AK7: variants seen among roughly 807,000 people sequenced by gnomAD.
AK7 encodes adenylate kinase 7, also known as ATP-AMP transphosphorylase 7.
In AK7, 78 loss-of-function variants were observed where a neutral mutation model predicts 96.6. The observed-to-expected ratio is 0.81, with a 90% confidence interval of 0.67 to 0.97. The LOEUF is 0.97. AK7 is among the 50% of genes least tolerant of loss of function. The pLI, the probability that AK7 is intolerant of heterozygous loss-of-function variation, is 0.00. For missense variants in AK7, 855 were observed against 887.9 expected (o/e 0.96, Z 0.47); for synonymous variants, 302 against 317.2 (o/e 0.95, Z 0.51).
At chr14:96,429,121 A>C (rs1892197634) in intron 5 of AK7, among the ~76,000 whole-genome samples, 1 of 152,118 alleles carries the variant, frequency 6.6e-6, no homozygotes, top group South Asian at 2.1e-4. Context: ...TCTTTAATTC[A>C]TTTGAATTAA....
chr14:96,477,044 T>C (rs1225795060), intron 14 of AK7, among the ~76,000 whole-genome samples: 1 of 152,246 alleles, frequency 6.6e-6, no homozygotes, highest in Non-Finnish European at 1.5e-5. Flanking sequence ...ATTTGAGGCT[T>C]CATATGTCTA....
At chr14:96,395,054 G>C (rs1889987397) in intron 1 of AK7, among the ~76,000 whole-genome samples, 1 of 152,152 alleles carries the variant, frequency 6.6e-6, no homozygotes, top group East Asian at 1.9e-4. Context: ...TTAGAGACAT[G>C]GGTCTCATTA....
At chr14:96,438,971 C>G (rs375530016) in intron 6 of AK7, among the ~76,000 whole-genome samples, 3 of 152,160 alleles carry the variant, frequency 2.0e-5, no homozygotes, top group East Asian at 3.9e-4. Context: ...GGATTTTGGT[C>G]TAAGCAACTA....
At chr14:96,484,583 C>T (rs562852009) in intron 16 of AK7, among the ~76,000 whole-genome samples, 36 of 152,340 alleles carry the variant, frequency 2.4e-4, no homozygotes, top group African/African-American at 8.4e-4. Context: ...TGGTCTTGGT[C>T]ATCTGCATGA....
At chr14:96,405,474 A>G (rs766078238) in intron 3 of AK7, among the ~76,000 whole-genome samples, 1 of 152,090 alleles carries the variant, frequency 6.6e-6, no homozygotes, top group Non-Finnish European at 1.5e-5. Context: ...GTGAGCCACA[A>G]TGCCTTACCA....
At chr14:96,435,747 T>A (rs1299068632) in intron 5 of AK7, among the ~76,000 whole-genome samples, 1 of 152,202 alleles carries the variant, frequency 6.6e-6, no homozygotes. Context: ...TGACTCAGGC[T>A]GGTTTGAATG....
chr14:96,418,839 T>C (rs1018735380), intron 4 of AK7, among the ~76,000 whole-genome samples: 7 of 152,218 alleles, frequency 4.6e-5, no homozygotes, highest in African/African-American at 1.7e-4. Flanking sequence ...TTTCATTGTG[T>C]TTCTCCTGCC....
Position 96,478,403 on chromosome 14 carries a change from C to G in AK7, c.1556-62C>G, listed in dbSNP as rs550044818. Reference sequence around the variant, plus strand: ...GGTAACCAGGGGGCCATGCGTTCTCCAGCACCCTGCTAGTTAGCTGCGCTG... The same window carrying G: ...GGTAACCAGGGGGCCATGCGTTCTCGAGCACCCTGCTAGTTAGCTGCGCTG... On this transcript the variant is annotated intron_variant, in intron 14 of 17. Transcript: ENST00000267584. 246 of 1,568,542 alleles carry G rather than the reference C, an allele frequency of 1.6e-4. 3 individuals carry two copies. In the South Asian group the frequency reaches 2.4e-3, roughly 15 times the overall value.
intron 4 of AK7, 71 bp from the exon 5 acceptor site, chr14:96,420,751 T>G: frequency 9.2e-7 from 1 of 1,090,116 alleles, no homozygotes; most frequent in Non-Finnish European, 1.4e-6. Flanking sequence ...TAAAGGAACA[T>G]ATCTTTAGCC....
chr14:96,423,794 CG>C (rs2140047860), intron 5 of AK7: 3 of 747,998 alleles, frequency 4.0e-6, no homozygotes, highest in Non-Finnish European at 7.4e-6. Flanking sequence ...GTACTTTTTA[CG>C]GGGGGACGCC....
In AK7 at chr14:96,410,582, G is replaced by T. The variant is rs576289102; in HGVS notation, c.498+1641G>T. ...AATGGAGAAGAGATGGTTCCCCAAA[G>T]AAAACATGGAGCAGTGGCTCCTGTG... On this transcript the variant is annotated intron_variant, in intron 4 of 17. Coordinates refer to ENST00000267584, the MANE Select transcript of AK7 (RefSeq NM_152327.5). 1.9e-3 allele frequency among the ~76,000 whole-genome samples: 296 copies of T among 152,330 alleles called. 1 individual carries two copies. The highest frequency in any genetic ancestry group is 3.3e-3 in the Non-Finnish European group (225 of 68,024).
chr14:96,395,914 C>T (rs1378916511), intron 1 of AK7, among the ~76,000 whole-genome samples: 5 of 139,896 alleles, frequency 3.6e-5, no homozygotes, highest in Non-Finnish European at 3.0e-5. Flanking sequence ...TGGGTTCAGG[C>T]GATTCTCCTG....
Position 96,449,878 on chromosome 14 carries a change from C to T in AK7, c.947C>T (p.Thr316Met), listed in dbSNP as rs746679886. Residue 316 changes from threonine (T) to methionine (M), a missense_variant and splice_region_variant, in exon 9 of 18, where the codon ACG becomes ATG. Coordinates refer to ENST00000267584, the MANE Select transcript of AK7 (RefSeq NM_152327.5). ...RENAYLTKDL[T>M]QDCLDHLLVN... is the part of the protein sequence containing the mutation. ...AATGCATACCTAACCAAGGACTTAA[C>T]GGTTAGTATATGCGGTGTTTTTTTT... 41 of 1,583,998 alleles carry T rather than the reference C, an allele frequency of 2.6e-5. No individual in the cohort carries two copies. The highest frequency in any genetic ancestry group is 1.0e-4 in the South Asian group (9 of 89,640).
intron 5 of AK7, among the ~76,000 whole-genome samples, chr14:96,435,534 T>C (rs1892588815): frequency 6.6e-6 from 1 of 152,128 alleles, no homozygotes; most frequent in African/African-American, 2.4e-5. Flanking sequence ...CCTTGGCTGC[T>C]CCAGCTGGTG....
rs758176888 is a variant in AK7, at chr14:96,398,247, C to A, written c.278C>A (p.Ala93Glu). 2 of 1,613,066 alleles carry A rather than the reference C, an allele frequency of 1.2e-6. No homozygotes were observed. Among genetic ancestry groups the A allele is most frequent in the Non-Finnish European group, 1.7e-6 (2 of 1,179,946 alleles). Residue 93 changes from alanine (A) to glutamate (E), a missense_variant, in exon 2 of 18, where the codon GCG becomes GAG. Physicochemically the swap from Ala to Glu is moderately radical, Grantham distance 107 (BLOSUM62 -1). Coordinates refer to ENST00000267584, the MANE Select transcript of AK7 (RefSeq NM_152327.5). ...CCTGACAGCCCGCGGCCTGACTTTG[C>A]GGTGGAGACGTACTCTGTAAGTCCC... The part of the protein sequence containing the change: ...SKPDSPRPDF[A>E]VETYSAISRE...
chr14:96,486,793 G>A (rs1366591369), intron 16 of AK7, 105 bp from the exon 17 acceptor site: 10 of 992,716 alleles, frequency 1.0e-5, no homozygotes, highest in Admixed American at 2.3e-5. Flanking sequence ...TATCATAGAT[G>A]GTGACCATTT....
At chr14:96,482,255 A>G (rs1319974140) in intron 15 of AK7, among the ~76,000 whole-genome samples, 1 of 151,700 alleles carries the variant, frequency 6.6e-6, no homozygotes, top group Non-Finnish European at 1.5e-5. Context: ...CAAAACAATA[A>G]AAAACAAACA....
chr14:96,466,562 G>T (rs1894580610), intron 12 of AK7, among the ~76,000 whole-genome samples: 1 of 151,286 alleles, frequency 6.6e-6, no homozygotes, highest in South Asian at 2.1e-4. Context: ...TAGTAGAGAT[G>T]AGATCTCCCT....
chr14:96,407,435 G>A (rs1240571435), intron 3 of AK7, among the ~76,000 whole-genome samples: 1 of 152,076 alleles, frequency 6.6e-6, no homozygotes, highest in Non-Finnish European at 1.5e-5. Context: ...TTAGATCCAG[G>A]ATATCAGCAT....
Sources: gnomAD v4.1 joint callset for allele counts (sites outside exome capture counted in the v4.1 genomes callset) on GRCh38, gnomAD v4.1.1 for gene constraint, MANE v1.5 for transcripts, NCBI Gene and HGNC (gene_info 2026-07-23, HGNC 2026-07-21) for gene names.